ANO3: variants seen among roughly 807,000 people sequenced by gnomAD.
The protein encoded by ANO3 is anoctamin-3.
Under a neutral mutation model 144.8 loss-of-function variants are expected in ANO3, and 99 were observed. The ratio of observed to expected loss-of-function variants is 0.68; its 90% CI spans 0.58 to 0.81. The LOEUF (loss-of-function observed/expected upper bound fraction) is 0.81. Among genes scored for constraint, ANO3 ranks in the 30% least tolerant of loss-of-function variants. The pLI is 0.00. For missense variants in ANO3, 905 were observed against 1,202.2 expected (o/e 0.75, Z 3.66); for synonymous variants, 414 against 392.6 (o/e 1.05, Z -0.64).
At chr11:26,310,851 G>A (rs1008624578) in intron 1 of ANO3, among the ~76,000 whole-genome samples, 2 of 152,104 alleles carry the variant, frequency 1.3e-5, no homozygotes, top group Admixed American at 6.6e-5. Context: ...TTTCGGAGAC[G>A]GTAACTGAAG....
At chr11:26,367,629 G>C (rs796603871) in intron 1 of ANO3, among the ~76,000 whole-genome samples, 7 of 152,222 alleles carry the variant, frequency 4.6e-5, no homozygotes, top group African/African-American at 1.7e-4. Context: ...TTCTGTGTCA[G>C]GTTGTTCCTG....
At chr11:26,383,888 C>CTT (rs61094091) in intron 1 of ANO3, among the ~76,000 whole-genome samples, 26,438 of 69,962 alleles carry the variant, frequency 0.38, 10,147 homozygotes, top group East Asian at 0.62. Context: ...ATGCATTGTT[C>CTT]TTTTTTTTTT....
intron 1 of ANO3, among the ~76,000 whole-genome samples, chr11:26,373,662 T>C (rs1437959880): frequency 6.6e-6 from 1 of 152,182 alleles, no homozygotes; most frequent in Non-Finnish European, 1.5e-5. Context: ...GATATATGTA[T>C]CAGTTTAATC....
chr11:26,425,226 A>C (rs957902785), intron 1 of ANO3, among the ~76,000 whole-genome samples: 10 of 152,058 alleles, frequency 6.6e-5, no homozygotes, highest in African/African-American at 2.4e-4. Flanking sequence ...CAAATAAATA[A>C]ATATTTCTAT....
chr11:26,378,223 A>T (rs1332559268), intron 1 of ANO3, among the ~76,000 whole-genome samples: 2 of 151,352 alleles, frequency 1.3e-5, no homozygotes, highest in Non-Finnish European at 3.0e-5. Flanking sequence ...AATACCATAA[A>T]ACATTATAAT....
intron 17 of ANO3, among the ~76,000 whole-genome samples, chr11:26,602,140 T>C (rs1271315757): frequency 6.6e-6 from 1 of 152,188 alleles, no homozygotes; most frequent in Non-Finnish European, 1.5e-5. Flanking sequence ...GAAAGGAGAT[T>C]GTTGTTTGAA....
intron 1 of ANO3, among the ~76,000 whole-genome samples, chr11:26,439,415 T>A (rs770407472): frequency 6.6e-6 from 1 of 152,248 alleles, no homozygotes; most frequent in Admixed American, 6.5e-5. Context: ...AATAGGCAAA[T>A]GCATGGAGGC....
At chr11:26,528,744 C>G (rs1296563461) in intron 7 of ANO3, among the ~76,000 whole-genome samples, 1 of 152,010 alleles carries the variant, frequency 6.6e-6, no homozygotes, top group Admixed American at 6.6e-5. Context: ...TGTTCCAACT[C>G]CTACCCCATT....
intron 1 of ANO3, among the ~76,000 whole-genome samples, chr11:26,279,992 C>T (rs1421526516): frequency 1.3e-5 from 2 of 152,136 alleles, no homozygotes; most frequent in Non-Finnish European, 2.9e-5. Context: ...ACTGATGATG[C>T]TTGTGAGTTT....
chr11:26,552,006 A>G (rs892059982), intron 12 of ANO3, among the ~76,000 whole-genome samples: 2 of 152,022 alleles, frequency 1.3e-5, no homozygotes, highest in East Asian at 1.9e-4. Context: ...TCTTTTAGAT[A>G]TAGTTGATGG....
chr11:26,280,049 C>T (rs1274253295), intron 1 of ANO3, among the ~76,000 whole-genome samples: 2 of 152,082 alleles, frequency 1.3e-5, no homozygotes, highest in Admixed American at 1.3e-4. Flanking sequence ...CTTATGCTAC[C>T]ATTTTTGATG....
intron 1 of ANO3, among the ~76,000 whole-genome samples, chr11:26,300,412 G>T (rs1383627617): frequency 1.3e-5 from 2 of 151,986 alleles, no homozygotes; most frequent in Non-Finnish European, 2.9e-5. Flanking sequence ...TATAGCATTT[G>T]CAAAGTTAAA....
intron 1 of ANO3, among the ~76,000 whole-genome samples, chr11:26,408,164 A>C (rs1035079100): frequency 3.3e-5 from 5 of 152,078 alleles, no homozygotes; most frequent in African/African-American, 9.7e-5. Flanking sequence ...CAGCAAAAGA[A>C]ACTACCATCA....
rs181697473 is a variant in ANO3, at chr11:26,635,105, G to A, written c.2043+35G>A. 1.3e-3 allele frequency: 2,044 copies of A among 1,588,642 alleles called. 2 individuals carry two copies. Among genetic ancestry groups the A allele is most frequent in the Admixed American group, 2.4e-3 (144 of 59,942 alleles). On this transcript the variant is annotated intron_variant, in intron 20 of 26. Transcript: ENST00000256737. ...TTTGGGAGTGTGGGTGCAGGAATGGGCATGGATATGGGCCAGTTACTGCGG... is the reference window on the plus strand; with the variant it reads ...TTTGGGAGTGTGGGTGCAGGAATGGACATGGATATGGGCCAGTTACTGCGG...
intron 13 of ANO3, among the ~76,000 whole-genome samples, chr11:26,554,436 T>A (rs1489461158): frequency 6.6e-6 from 1 of 152,154 alleles, no homozygotes; most frequent in Non-Finnish European, 1.5e-5. Flanking sequence ...TTCTCTTGGG[T>A]AATTACCTAG....
intron 1 of ANO3, among the ~76,000 whole-genome samples, chr11:26,302,340 CA>C (rs1291721395): frequency 6.6e-6 from 1 of 152,088 alleles, no homozygotes; most frequent in East Asian, 1.9e-4. Context: ...ACTAAAAATA[CA>C]AAAAATAGCT....
chr11:26,401,056 T>C (rs956326003), intron 1 of ANO3, among the ~76,000 whole-genome samples: 5 of 152,052 alleles, frequency 3.3e-5, no homozygotes, highest in African/African-American at 1.2e-4. Flanking sequence ...CCTTTGGATA[T>C]GCATCGTGTG....
At position 26,547,565 on chromosome 11, in the gene ANO3, G is replaced by C; in HGVS notation, c.1289+15G>C. The C allele has an allele frequency of 6.2e-7, 1 of 1,608,856 alleles. No individual in the cohort carries two copies. Among genetic ancestry groups the C allele is most frequent in the South Asian group, 1.1e-5 (1 of 90,768 alleles). On this transcript the variant is annotated intron_variant, in intron 12 of 26. Coordinates refer to ENST00000256737, the MANE Select transcript of ANO3 (RefSeq NM_031418.4). ...AGTCAAGTAAGGTAGGCTATTAAGA[G>C]ACCTATTAAAAATATTTGGCTTGTC...
intron 1 of ANO3, among the ~76,000 whole-genome samples, chr11:26,220,925 A>T (rs117656887): frequency 1.3e-5 from 1 of 75,402 alleles, no homozygotes; most frequent in Non-Finnish European, 3.7e-5. Flanking sequence ...GACTGCCTAC[A>T]GATAAAGATG....
Sources: allele counts gnomAD v4.1 joint callset (sites outside exome capture counted in the v4.1 genomes callset), GRCh38; gene constraint gnomAD v4.1.1; transcripts MANE v1.5; gene names NCBI Gene and HGNC (gene_info 2026-07-23, HGNC 2026-07-21).